SLC35F1: variants seen among roughly 807,000 people sequenced by gnomAD.
SLC35F1 encodes solute carrier family 35 member F1, also known as chromosome 6 open reading frame 169.
Under a neutral mutation model 48.7 loss-of-function variants are expected in SLC35F1, and 14 were observed. The ratio of observed to expected loss-of-function variants is 0.29; its 90% CI spans 0.19 to 0.45. SLC35F1 has a LOEUF of 0.45. Among genes scored for constraint, SLC35F1 ranks in the 20% least tolerant of loss-of-function variants. The pLI is 1.00. For synonymous variants in SLC35F1, 190 were observed against 202.2 expected (o/e 0.94, Z 0.51); for missense variants, 404 against 500.0 (o/e 0.81, Z 1.83).
intron 1 of SLC35F1, among the ~76,000 whole-genome samples, chr6:117,910,946 G>T (rs1478303910): frequency 6.6e-6 from 1 of 152,200 alleles, no homozygotes. Context: ...TTGCTCTCAA[G>T]AAGCTTAGAA....
intron 1 of SLC35F1, among the ~76,000 whole-genome samples, chr6:118,143,444 A>C (rs1243153176): frequency 1.3e-5 from 2 of 152,226 alleles, no homozygotes; most frequent in Non-Finnish European, 2.9e-5. Flanking sequence ...GTTCCTATTT[A>C]AAACTAAAAT....
At chr6:117,927,463 G>C (rs1358076919) in intron 1 of SLC35F1, among the ~76,000 whole-genome samples, 2 of 152,118 alleles carry the variant, frequency 1.3e-5, no homozygotes, top group East Asian at 3.9e-4. Context: ...GCTTATTTTT[G>C]GCTAAGAGGA....
At chr6:117,967,733 T>C (rs890152663) in intron 1 of SLC35F1, among the ~76,000 whole-genome samples, 2 of 152,188 alleles carry the variant, frequency 1.3e-5, no homozygotes, top group Non-Finnish European at 2.9e-5. Context: ...AAAGTTAACT[T>C]AATTATTCTG....
At chr6:117,920,720 T>C (rs1212708285) in intron 1 of SLC35F1, among the ~76,000 whole-genome samples, 1 of 152,188 alleles carries the variant, frequency 6.6e-6, no homozygotes, top group Non-Finnish European at 1.5e-5. Flanking sequence ...CTAATCCATC[T>C]GCTAATGGAA....
At chr6:117,983,689 C>T (rs1776812150) in intron 1 of SLC35F1, among the ~76,000 whole-genome samples, 1 of 152,212 alleles carries the variant, frequency 6.6e-6, no homozygotes, top group Non-Finnish European at 1.5e-5. Context: ...TCATTCTGAC[C>T]TCACTGGCGA....
intron 1 of SLC35F1, among the ~76,000 whole-genome samples, chr6:118,050,102 A>T (rs1218948867): frequency 5.3e-5 from 8 of 152,250 alleles, no homozygotes; most frequent in Admixed American, 2.6e-4. Context: ...ATTCTCAGCA[A>T]ACTATCACAA....
intron 2 of SLC35F1, among the ~76,000 whole-genome samples, chr6:118,172,656 C>T (rs1189218007): frequency 6.6e-6 from 1 of 151,872 alleles, no homozygotes; most frequent in African/African-American, 2.4e-5. Flanking sequence ...GCTCAGATTT[C>T]CTGGCTCAAA....
At chr6:118,173,062 C>A (rs1290876000) in intron 2 of SLC35F1, among the ~76,000 whole-genome samples, 1 of 152,138 alleles carries the variant, frequency 6.6e-6, no homozygotes, top group African/African-American at 2.4e-5. Flanking sequence ...ATATACAGCA[C>A]ATCATCTTTA....
At chr6:118,158,301 G>C (rs1774175093) in intron 2 of SLC35F1, among the ~76,000 whole-genome samples, 1 of 152,160 alleles carries the variant, frequency 6.6e-6, no homozygotes, top group Non-Finnish European at 1.5e-5. Flanking sequence ...GGCTGATTCA[G>C]TACTATGTTC....
intron 7 of SLC35F1, among the ~76,000 whole-genome samples, chr6:118,313,495 C>G (rs901189071): frequency 1.3e-5 from 2 of 152,162 alleles, no homozygotes; most frequent in Admixed American, 6.5e-5. Context: ...ATAATCTAAT[C>G]TTGCAAAGAT....
intron 1 of SLC35F1, among the ~76,000 whole-genome samples, chr6:118,083,804 A>G (rs1772946286): frequency 6.6e-6 from 1 of 152,196 alleles, no homozygotes; most frequent in Admixed American, 6.5e-5. Flanking sequence ...AAAGGAGTTC[A>G]TTGTTGCCAC....
chr6:117,931,097 C>A (rs143688039), intron 1 of SLC35F1, among the ~76,000 whole-genome samples: 3 of 152,062 alleles, frequency 2.0e-5, no homozygotes, highest in Non-Finnish European at 4.4e-5. Flanking sequence ...GTAGACATTA[C>A]GTGTTATAAT....
chr6:118,178,430 T>G (rs1447241642), intron 2 of SLC35F1, among the ~76,000 whole-genome samples: 3 of 152,160 alleles, frequency 2.0e-5, no homozygotes, highest in African/African-American at 7.2e-5. Flanking sequence ...TTATAACAAT[T>G]TATTTTTAGT....
chr6:118,035,672 G>T, intron 1 of SLC35F1, among the ~76,000 whole-genome samples: 1 of 147,820 alleles, frequency 6.8e-6, no homozygotes, highest in Non-Finnish European at 1.5e-5. Flanking sequence ...CCCAACATTT[G>T]GCTTTGTTAA....
intron 4 of SLC35F1, among the ~76,000 whole-genome samples, chr6:118,272,767 A>G (rs138638827): frequency 0.013 from 1,772 of 136,058 alleles, 58 homozygotes; most frequent in African/African-American, 0.049. Flanking sequence ...ATATATATGT[A>G]TATATATATA....
At chr6:118,146,665 A>G (rs1007704726) in intron 1 of SLC35F1, among the ~76,000 whole-genome samples, 2 of 152,126 alleles carry the variant, frequency 1.3e-5, no homozygotes, top group African/African-American at 4.8e-5. Flanking sequence ...AGTTTAATTT[A>G]TTTATGTTTC....
chr6:117,967,432 A>G (rs928180248), intron 1 of SLC35F1, among the ~76,000 whole-genome samples: 1 of 152,226 alleles, frequency 6.6e-6, no homozygotes, highest in African/African-American at 2.4e-5. Context: ...AATGTTGCCT[A>G]TCAGTAACAC....
chr6:118,298,780 A>C (rs532709421), intron 7 of SLC35F1, among the ~76,000 whole-genome samples: 2 of 152,322 alleles, frequency 1.3e-5, no homozygotes, highest in East Asian at 3.9e-4. Context: ...CCATATGATT[A>C]AACCGCTTTT....
chr6:118,046,378 T>C (rs1772300452), intron 1 of SLC35F1, among the ~76,000 whole-genome samples: 1 of 152,168 alleles, frequency 6.6e-6, no homozygotes, highest in South Asian at 2.1e-4. Flanking sequence ...CTATTCTGTC[T>C]TTCTGAAAAT....
Sources: gnomAD v4.1 joint callset for allele counts (sites outside exome capture counted in the v4.1 genomes callset) on GRCh38, gnomAD v4.1.1 for gene constraint, MANE v1.5 for transcripts, NCBI Gene and HGNC (gene_info 2026-07-23, HGNC 2026-07-21) for gene names.